The following CCSER1 variants were observed in gnomAD, a reference collection of about 807,000 sequenced individuals.
CCSER1 encodes coiled-coil serine rich protein 1, also known as serine-rich coiled-coil domain-containing protein 1.
Under a neutral mutation model 82.0 loss-of-function variants are expected in CCSER1, and 41 were observed. That is an observed-to-expected ratio of 0.50 (90% CI 0.39 to 0.65). The LOEUF (loss-of-function observed/expected upper bound fraction) is 0.65. Among genes scored for constraint, CCSER1 ranks in the 30% least tolerant of loss-of-function variants. The pLI is 0.00. For synonymous variants in CCSER1, 414 were observed against 383.9 expected (o/e 1.08, Z -0.92); for missense variants, 1,119 against 1,064.2 (o/e 1.05, Z -0.72).
intron 10 of CCSER1, among the ~76,000 whole-genome samples, chr4:91,438,996 T>A (rs964395505): frequency 9.9e-5 from 15 of 152,196 alleles, no homozygotes; most frequent in African/African-American, 3.6e-4. Flanking sequence ...GGACCAAACC[T>A]ATGTCTCATT....
intron 1 of CCSER1, among the ~76,000 whole-genome samples, chr4:90,170,405 T>C (rs1176880119): frequency 8.0e-6 from 1 of 124,724 alleles, no homozygotes; most frequent in African/African-American, 3.4e-5. Flanking sequence ...ACAGCTAACC[T>C]TTTTTTTTTT....
At chr4:91,342,076 A>T (rs182771744) in intron 10 of CCSER1, among the ~76,000 whole-genome samples, 1 of 152,210 alleles carries the variant, frequency 6.6e-6, no homozygotes, top group Admixed American at 6.5e-5. Flanking sequence ...TTTGCTGCAT[A>T]AAAGTGAATA....
intron 10 of CCSER1, among the ~76,000 whole-genome samples, chr4:91,238,382 C>T (rs2149127076): frequency 6.6e-6 from 1 of 152,202 alleles, no homozygotes; most frequent in South Asian, 2.1e-4. Flanking sequence ...AATGAATTTT[C>T]CCAAAGACAT....
chr4:90,203,485 CG>C (rs1285545664), intron 1 of CCSER1, among the ~76,000 whole-genome samples: 2 of 152,094 alleles, frequency 1.3e-5, no homozygotes, highest in African/African-American at 4.8e-5. Flanking sequence ...CTGAGAATGA[CG>C]GTTTCCAGCT....
At chr4:91,356,337 G>A (rs1210760121) in intron 10 of CCSER1, among the ~76,000 whole-genome samples, 1 of 152,224 alleles carries the variant, frequency 6.6e-6, no homozygotes, top group Admixed American at 6.5e-5. Context: ...GTTGCTGTTG[G>A]TTGTAATAGA....
chr4:91,039,621 G>GA, intron 9 of CCSER1, among the ~76,000 whole-genome samples: 1 of 151,918 alleles, frequency 6.6e-6, no homozygotes, highest in African/African-American at 2.4e-5. Flanking sequence ...TTTAAATGCT[G>GA]AAAAAATGTA....
intron 10 of CCSER1, among the ~76,000 whole-genome samples, chr4:91,376,683 A>G (rs924137857): frequency 1.4e-4 from 22 of 151,892 alleles, no homozygotes; most frequent in African/African-American, 5.1e-4. Flanking sequence ...ATGGGCAAAC[A>G]TAAAAATAAT....
chr4:90,437,999 A>G (rs1759290931), intron 4 of CCSER1, among the ~76,000 whole-genome samples: 1 of 152,152 alleles, frequency 6.6e-6, no homozygotes, highest in Non-Finnish European at 1.5e-5. Context: ...CTGTGTGAAC[A>G]TTTTATCTAC....
At chr4:90,574,423 C>T (rs1052370518) in intron 5 of CCSER1, among the ~76,000 whole-genome samples, 48 of 150,868 alleles carry the variant, frequency 3.2e-4, no homozygotes, top group African/African-American at 7.3e-4. Context: ...CGCCCGCCAC[C>T]GCGCCCGGCT....
chr4:90,813,875 T>C (rs769716625), intron 7 of CCSER1, among the ~76,000 whole-genome samples: 1 of 152,246 alleles, frequency 6.6e-6, no homozygotes. Flanking sequence ...ACAGTGACCC[T>C]CTTCTCACAG....
chr4:90,311,008 A>G (rs1735191758), intron 2 of CCSER1, among the ~76,000 whole-genome samples: 1 of 152,076 alleles, frequency 6.6e-6, no homozygotes, highest in Admixed American at 6.6e-5. Flanking sequence ...AGAATATGAT[A>G]ATGATGATGA....
chr4:90,608,494 CACAGTT>C (rs1785027980), intron 5 of CCSER1, among the ~76,000 whole-genome samples: 1 of 152,134 alleles, frequency 6.6e-6, no homozygotes, highest in Non-Finnish European at 1.5e-5. Flanking sequence ...CCATTAAATT[CACAGTT>C]TCTGTCCACA....
chr4:90,157,714 T>C (rs1262579164), intron 1 of CCSER1, among the ~76,000 whole-genome samples: 1 of 134,714 alleles, frequency 7.4e-6, no homozygotes, highest in Non-Finnish European at 1.8e-5. Flanking sequence ...AGCCTTGGCT[T>C]TCAGCTCCAT....
chr4:90,475,050 G>GCACACA (rs138924421), intron 5 of CCSER1, among the ~76,000 whole-genome samples: 2 of 150,654 alleles, frequency 1.3e-5, no homozygotes, highest in African/African-American at 4.9e-5. Context: ...AGTGTAACAT[G>GCACACA]CACACACACA....
chr4:90,638,320 G>T (rs1279180098), intron 6 of CCSER1, among the ~76,000 whole-genome samples: 1 of 152,004 alleles, frequency 6.6e-6, no homozygotes, highest in Non-Finnish European at 1.5e-5. Context: ...ACACATTTTG[G>T]ATGGCAACAC....
chr4:91,597,705 C>T (rs1764649156), intron 10 of CCSER1, among the ~76,000 whole-genome samples: 1 of 152,080 alleles, frequency 6.6e-6, no homozygotes, highest in East Asian at 1.9e-4. Flanking sequence ...CTCTCTTCTC[C>T]CTTGTCTGTT....
chr4:91,321,625 T>G (rs2149265456), intron 10 of CCSER1, among the ~76,000 whole-genome samples: 1 of 152,206 alleles, frequency 6.6e-6, no homozygotes, highest in Non-Finnish European at 1.5e-5. Flanking sequence ...TATTAGGAAA[T>G]AGATTTATTT....
intron 10 of CCSER1, among the ~76,000 whole-genome samples, chr4:91,115,593 A>G (rs1019297608): frequency 6.6e-6 from 1 of 150,934 alleles, no homozygotes; most frequent in Non-Finnish European, 1.5e-5. Flanking sequence ...CTCTTTTTTT[A>G]TACTGATAAA....
At chr4:90,739,133 C>G (rs1190285161) in intron 7 of CCSER1, among the ~76,000 whole-genome samples, 1 of 152,228 alleles carries the variant, frequency 6.6e-6, no homozygotes, top group Non-Finnish European at 1.5e-5. Context: ...GTACTGCCTG[C>G]CTGCTACTGC....
Sources: gnomAD v4.1 joint callset for allele counts (sites outside exome capture counted in the v4.1 genomes callset) on GRCh38, gnomAD v4.1.1 for gene constraint, MANE v1.5 for transcripts, NCBI Gene and HGNC (gene_info 2026-07-23, HGNC 2026-07-21) for gene names.